The following ARHGAP22 variants were observed in gnomAD, a reference collection of about 807,000 sequenced individuals.
ARHGAP22 encodes rho GTPase-activating protein 22.
ARHGAP22 carries 48 observed loss-of-function variants against 59.1 expected under a neutral mutation model. That is an observed-to-expected ratio of 0.81 (90% CI 0.64 to 1.03). The LOEUF (loss-of-function observed/expected upper bound fraction) is 1.03. Among genes scored for constraint, ARHGAP22 ranks in the 50% least tolerant of loss-of-function variants. The probability of loss-of-function intolerance (pLI) is 0.00; values close to 1 mark genes in which losing one functional copy is unlikely to be tolerated. For missense variants in ARHGAP22, 1,015 were observed against 958.7 expected, an observed-to-expected ratio of 1.06 and a Z score of -0.78; for synonymous variants, 445 against 416.4, an observed-to-expected ratio of 1.07 and a Z score of -0.84.
chr10:48,476,963 C>A (rs1290861086), intron 4 of ARHGAP22, among the ~76,000 whole-genome samples: 1 of 152,182 alleles, frequency 6.6e-6, no homozygotes, highest in Non-Finnish European at 1.5e-5. Context: ...CTTCTTTGAC[C>A]CAAGTTTCTC....
chr10:48,489,145 C>T (rs951536765), intron 3 of ARHGAP22, among the ~76,000 whole-genome samples: 1 of 151,810 alleles, frequency 6.6e-6, no homozygotes, highest in Non-Finnish European at 1.5e-5. Flanking sequence ...GTAAATAGGT[C>T]CCTGTTACTT....
chr10:48,582,948 C>T lies in ARHGAP22; in HGVS notation c.234+5G>A. On this transcript the variant is annotated splice_donor_5th_base_variant and intron_variant, in intron 2 of 9. Coordinates refer to ENST00000249601, the MANE Select transcript of ARHGAP22 (RefSeq NM_021226.4). ...CCCACGGCACACCGGACATGCACTT[C>T]TCACCTGGGGCTTGATCTCATCTTT... 1 of 1,614,182 alleles carries T rather than the reference C, an allele frequency of 6.2e-7. No individual in the cohort carries two copies. Among genetic ancestry groups the T allele is most frequent in the East Asian group, 2.2e-5 (1 of 44,882 alleles).
chr10:48,533,818 C>A (rs1484494587), intron 3 of ARHGAP22, among the ~76,000 whole-genome samples: 1 of 152,200 alleles, frequency 6.6e-6, no homozygotes, highest in Non-Finnish European at 1.5e-5. Flanking sequence ...AATTTTAGAG[C>A]ATCTGGGAAG....
At chr10:48,602,017 T>C (rs1009819145) in intron 1 of ARHGAP22, among the ~76,000 whole-genome samples, 2 of 152,238 alleles carry the variant, frequency 1.3e-5, no homozygotes, top group Non-Finnish European at 2.9e-5. Context: ...AGATCCCACA[T>C]TTATTGGCTG....
intron 2 of ARHGAP22, among the ~76,000 whole-genome samples, chr10:48,557,407 C>T (rs1366479997): frequency 6.6e-6 from 1 of 152,114 alleles, no homozygotes; most frequent in Non-Finnish European, 1.5e-5. Flanking sequence ...GCAGTAATAG[C>T]TTCTGTTTAT....
intron 3 of ARHGAP22, among the ~76,000 whole-genome samples, chr10:48,543,937 C>T (rs1393237354): frequency 6.6e-6 from 1 of 152,130 alleles, no homozygotes; most frequent in Non-Finnish European, 1.5e-5. Flanking sequence ...GTCTGGCCAA[C>T]ATGGTGAAAC....
intron 1 of ARHGAP22, among the ~76,000 whole-genome samples, chr10:48,590,292 T>C (rs1806438): frequency 0.14 from 21,963 of 151,948 alleles, 1,729 homozygotes; most frequent in Non-Finnish European, 0.17. Context: ...GACTGGCAGA[T>C]GTGGAGGCTG....
At chr10:48,510,923 G>A (rs77630752) in intron 3 of ARHGAP22, 6,098 of 152,354 alleles carry the variant, frequency 0.04, 173 homozygotes, top group Non-Finnish European at 0.058. Flanking sequence ...CAACCCCTCC[G>A]AGGCTGTATG....
chr10:48,619,910 C>T lies in ARHGAP22; in HGVS notation c.52+32324G>A, dbSNP rs138149219. Among the ~76,000 whole-genome samples the T allele has an allele frequency of 2.7e-4, 41 of 152,226 alleles. No homozygotes were observed. In the East Asian group the frequency reaches 7.2e-3, roughly 27 times the overall value. On this transcript the variant is annotated intron_variant, in intron 1 of 9. Coordinates refer to the ARHGAP22 transcript ENST00000435790. ...GGAAACAACCCAAAGAATGAATAGA[C>T]AAGCTGCAGAGTGGAAAAAATATTT... is the stretch of plus-strand genomic sequence containing the variant.
At chr10:48,584,429 G>C (rs1360015945) in intron 1 of ARHGAP22, among the ~76,000 whole-genome samples, 1 of 152,162 alleles carries the variant, frequency 6.6e-6, no homozygotes, top group Non-Finnish European at 1.5e-5. Context: ...CCTCCATGGA[G>C]GCTTCCTTCT....
chr10:48,598,003 T>C (rs1265564519), intron 1 of ARHGAP22, among the ~76,000 whole-genome samples: 1 of 152,220 alleles, frequency 6.6e-6, no homozygotes, highest in East Asian at 1.9e-4. Flanking sequence ...AAATAAATCA[T>C]TTATCCCCTC....
At position 48,491,206 on chromosome 10, in the gene ARHGAP22, C is replaced by T. The variant is rs574022689; in HGVS notation, c.323-11442G>A. On this transcript the variant is annotated intron_variant, in intron 3 of 9. Coordinates refer to ENST00000249601, the MANE Select transcript of ARHGAP22 (RefSeq NM_021226.4). ...TGAAGGCCCCTCACCCCTACTCCTG[C>T]GACGTCATCTCTGGCTCCCCTCCCC... Among the ~76,000 whole-genome samples, 50 of 152,308 alleles carry T rather than the reference C, an allele frequency of 3.3e-4. 1 individual carries two copies. The East Asian group carries it at 6.0e-3, about 18-fold the overall frequency.
chr10:48,553,642 T>C (rs539484911), intron 3 of ARHGAP22, among the ~76,000 whole-genome samples: 6 of 152,298 alleles, frequency 3.9e-5, no homozygotes, highest in Admixed American at 3.9e-4. Context: ...GGCAGAATAA[T>C]GGTCCTCAAA....
At chr10:48,490,065 A>G (rs191625667) in intron 3 of ARHGAP22, among the ~76,000 whole-genome samples, 2 of 152,204 alleles carry the variant, frequency 1.3e-5, no homozygotes, top group East Asian at 3.9e-4. Context: ...TTAGGGTCCA[A>G]CGTCTATGGG....
intron 1 of ARHGAP22, among the ~76,000 whole-genome samples, chr10:48,587,009 G>C (rs914816043): frequency 6.6e-6 from 1 of 152,144 alleles, no homozygotes; most frequent in South Asian, 2.1e-4. Flanking sequence ...ACCCTATCCC[G>C]CATCTGTGCT....
chr10:48,609,498 T>C (rs2060799221), upstream of ARHGAP22, among the ~76,000 whole-genome samples: 1 of 152,218 alleles, frequency 6.6e-6, no homozygotes, highest in South Asian at 2.1e-4. Context: ...TCTGAATGAC[T>C]GCATGGAGCC....
upstream of ARHGAP22, among the ~76,000 whole-genome samples, chr10:48,654,036 A>G (rs2062660898): frequency 6.6e-6 from 1 of 152,212 alleles, no homozygotes; most frequent in Non-Finnish European, 1.5e-5. Context: ...TCTTTGATCA[A>G]AAAAGAAAAT....
chr10:48,517,393 G>T (rs1564805163), intron 3 of ARHGAP22, among the ~76,000 whole-genome samples: 1 of 152,306 alleles, frequency 6.6e-6, no homozygotes, highest in South Asian at 2.1e-4. Flanking sequence ...TATTTTAGGG[G>T]TTCATTTCAT....
chr10:48,478,821 G>T (rs2048986658), intron 4 of ARHGAP22, among the ~76,000 whole-genome samples: 1 of 152,084 alleles, frequency 6.6e-6, no homozygotes, highest in Non-Finnish European at 1.5e-5. Context: ...TGGCCACTTT[G>T]CACCATCAGC....
Sources: allele counts gnomAD v4.1 joint callset (sites outside exome capture counted in the v4.1 genomes callset), GRCh38; gene constraint gnomAD v4.1.1; transcripts MANE v1.5; gene names NCBI Gene and HGNC (gene_info 2026-07-23, HGNC 2026-07-21).